Variants in ANKRD10 observed in about 807,000 individuals in gnomAD.
The protein encoded by ANKRD10 is ankyrin repeat domain 10, also known as ankyrin repeat domain-containing protein 10.
A neutral mutation model predicts 27.0 loss-of-function variants in ANKRD10; 14 were observed. The observed-to-expected ratio is 0.52, with a 90% CI of 0.34 to 0.81. ANKRD10 has a LOEUF of 0.81. Among genes scored for constraint, ANKRD10 ranks in the 40% least tolerant of loss-of-function variants. The probability of loss-of-function intolerance (pLI) is 0.01; values close to 1 mark genes in which losing one functional copy is unlikely to be tolerated. For synonymous variants in ANKRD10, 250 were observed against 224.5 expected (o/e 1.11, Z -1.01); for missense variants, 493 against 544.0 (o/e 0.91, Z 0.93).
intron 4 of ANKRD10, among the ~76,000 whole-genome samples, chr13:110,884,380 T>A (rs1173987539): frequency 6.6e-6 from 1 of 152,204 alleles, no homozygotes; most frequent in Admixed American, 6.5e-5. Context: ...ACTTCCAAGA[T>A]GACCATTCTC....
chr13:110,910,878 G>GT (rs1201366184), intron 1 of ANKRD10, 108 bp from the exon 2 acceptor site: 18 of 1,175,628 alleles, frequency 1.5e-5, no homozygotes, highest in Non-Finnish European at 1.9e-5. Context: ...ATTGTTACCA[G>GT]TTTTTTAACA....
At position 110,914,898 on chromosome 13, in the gene ANKRD10, C is replaced by T. The variant is rs1394139428; in HGVS notation, c.37G>A (p.Gly13Ser). The change falls in exon 1 of 6, where the codon GGC becomes AGC. Residue 13 changes from glycine to serine, a missense_variant. Coordinates refer to ENST00000267339, the MANE Select transcript of ANKRD10 (RefSeq NM_017664.4). ...GAGAGCAGCTCCTCGCTGGAGAAGCCCGCCTCTACGCCCGCGCCCGCTCCC... is the reference window on the plus strand; with the variant it reads ...GAGAGCAGCTCCTCGCTGGAGAAGCTCGCCTCTACGCCCGCGCCCGCTCCC... ...AAGAGAGVEA[G>S]FSSEELLSLR... 6.5e-7 allele frequency: 1 copy of T among 1,540,368 alleles called. No homozygotes were observed. The highest frequency in any genetic ancestry group is 8.7e-7 in the Non-Finnish European group (1 of 1,147,100).
chr13:110,892,839 T>G, intron 4 of ANKRD10, 189 bp downstream of exon 4: 1 of 1,371,464 alleles, frequency 7.3e-7, no homozygotes, highest in African/African-American at 1.5e-5. Flanking sequence ...TCCCTCACAT[T>G]CCCTTTTGTT....
At chr13:110,903,981 G>A (rs1381742899) in intron 3 of ANKRD10, 1 of 152,196 alleles carries the variant, frequency 6.6e-6, no homozygotes, top group Non-Finnish European at 1.5e-5. Flanking sequence ...GATTCAAACT[G>A]TTACACGTTG....
chr13:110,894,347 GTCAC>G (rs2065162019), intron 3 of ANKRD10: 3 of 276,998 alleles, frequency 1.1e-5, no homozygotes, highest in Admixed American at 5.9e-5. Flanking sequence ...CTTGTGCTGT[GTCAC>G]TCAAACAACC....
chr13:110,883,473 G>C, intron 5 of ANKRD10: 1 of 1,270,684 alleles, frequency 7.9e-7, no homozygotes. Flanking sequence ...GCAAATTATA[G>C]TATAACATTT....
chr13:110,895,637 G>C (rs1007460197), intron 3 of ANKRD10, among the ~76,000 whole-genome samples: 7 of 152,106 alleles, frequency 4.6e-5, no homozygotes, highest in Non-Finnish European at 1.5e-5. Flanking sequence ...GATGCTCAAA[G>C]GGCATGCCAA....
chr13:110,891,331 A>C (rs1053201946), intron 4 of ANKRD10, among the ~76,000 whole-genome samples: 7 of 152,218 alleles, frequency 4.6e-5, no homozygotes, highest in African/African-American at 1.7e-4. Flanking sequence ...AATATATTAA[A>C]ACATGGTACA....
intron 3 of ANKRD10, among the ~76,000 whole-genome samples, chr13:110,902,383 A>C (rs1053202824): frequency 2.0e-5 from 3 of 152,088 alleles, no homozygotes; most frequent in African/African-American, 7.2e-5. Context: ...GGTGGGTCAT[A>C]AATGGTCAAT....
chr13:110,898,789 C>T, intron 3 of ANKRD10, among the ~76,000 whole-genome samples: 1 of 124,540 alleles, frequency 8.0e-6, no homozygotes, highest in Non-Finnish European at 1.6e-5. Context: ...GAGTTTCACT[C>T]TTGTTGCCTA....
chr13:110,902,881 C>T (rs117282809), intron 3 of ANKRD10, among the ~76,000 whole-genome samples: 5,787 of 152,230 alleles, frequency 0.038, 174 homozygotes, highest in Non-Finnish European at 0.055. Flanking sequence ...ATGGAAACAT[C>T]CTCCACTTAT....
intron 4 of ANKRD10, among the ~76,000 whole-genome samples, chr13:110,889,303 G>A (rs1594557490): frequency 6.7e-6 from 1 of 148,516 alleles, no homozygotes; most frequent in Admixed American, 6.8e-5. Flanking sequence ...ATACTTCCTT[G>A]CACCATCTAA....
At chr13:110,910,941 AAC>A (rs2065682731) in intron 1 of ANKRD10, among the ~76,000 whole-genome samples, 171 bp from the exon 2 acceptor site, 1 of 152,234 alleles carries the variant, frequency 6.6e-6, no homozygotes, top group Non-Finnish European at 1.5e-5. Flanking sequence ...CATTTAAGAT[AAC>A]ATATTCCCTT....
intron 1 of ANKRD10, 51 bp from the exon 2 acceptor site, chr13:110,910,821 T>C: frequency 1.3e-6 from 2 of 1,537,654 alleles, no homozygotes; most frequent in Non-Finnish European, 1.8e-6. Flanking sequence ...CAGTACACTA[T>C]TCAATATTAC....
chr13:110,908,201 T>C (rs2065592734), intron 2 of ANKRD10, among the ~76,000 whole-genome samples: 1 of 152,150 alleles, frequency 6.6e-6, no homozygotes, highest in Non-Finnish European at 1.5e-5. Flanking sequence ...CTGGGCACCC[T>C]GGGTTTTCAT....
At chr13:110,912,336 C>T (rs1331656727) in intron 1 of ANKRD10, among the ~76,000 whole-genome samples, 1 of 152,230 alleles carries the variant, frequency 6.6e-6, no homozygotes, top group Non-Finnish European at 1.5e-5. Flanking sequence ...AGTAAACACT[C>T]CTGTGAGATG....
At chr13:110,901,377 CA>C (rs2065375745) in intron 3 of ANKRD10, among the ~76,000 whole-genome samples, 1 of 152,068 alleles carries the variant, frequency 6.6e-6, no homozygotes, top group Non-Finnish European at 1.5e-5. Context: ...GCAATTGAAC[CA>C]AAATTATGTT....
At position 110,879,578 on chromosome 13, in the gene ANKRD10, G is replaced by A. The variant is rs1410973448; in HGVS notation, c.*59C>T. Reference sequence around the variant, plus strand: ...ATTCGTTCAAGTTGCTGCTACATGGGTATTCTGAGCTGGCTACCAGGAAGG... The same window carrying A: ...ATTCGTTCAAGTTGCTGCTACATGGATATTCTGAGCTGGCTACCAGGAAGG... On this transcript the variant is annotated 3_prime_UTR_variant, in exon 6 of 6. Transcript: ENST00000267339. 3 of 1,298,938 alleles carry A rather than the reference G, an allele frequency of 2.3e-6. No individual in the cohort carries two copies. Among genetic ancestry groups the A allele is most frequent in the Non-Finnish European group, 3.3e-6 (3 of 915,274 alleles). The allele number at this position is 1,298,938 out of a possible 1,614,324, so 80.5% of individuals were successfully genotyped here.
chr13:110,895,642 T>G (rs1225373182), intron 3 of ANKRD10, among the ~76,000 whole-genome samples: 1 of 152,190 alleles, frequency 6.6e-6, no homozygotes, highest in Non-Finnish European at 1.5e-5. Context: ...TCAAAGGGCA[T>G]GCCAACATTC....
Sources: allele counts gnomAD v4.1 joint callset (sites outside exome capture counted in the v4.1 genomes callset), GRCh38; gene constraint gnomAD v4.1.1; transcripts MANE v1.5; gene names NCBI Gene and HGNC (gene_info 2026-07-23, HGNC 2026-07-21).